Variants in TRABD2B observed in about 807,000 individuals in gnomAD.
The protein encoded by TRABD2B is metalloprotease TIKI2.
In TRABD2B, 14 loss-of-function variants were observed where a neutral mutation model predicts 40.1. That is an observed-to-expected ratio of 0.35 (90% CI 0.23 to 0.55). TRABD2B has a LOEUF of 0.55. Among genes scored for constraint, TRABD2B ranks in the 20% least tolerant of loss-of-function variants. The pLI is 0.90. For missense variants in TRABD2B, 541 were observed against 648.6 expected, an observed-to-expected ratio of 0.83 and a Z score of 1.80; for synonymous variants, 263 against 277.0, an observed-to-expected ratio of 0.95 and a Z score of 0.50.
intron 2 of TRABD2B, among the ~76,000 whole-genome samples, chr1:47,943,044 G>A (rs910533226): frequency 3.3e-5 from 5 of 152,208 alleles, no homozygotes; most frequent in African/African-American, 1.2e-4. Flanking sequence ...TGGGTTCAAA[G>A]TCCAATCATT....
chr1:47,842,452 G>C (rs115160380), intron 2 of TRABD2B, among the ~76,000 whole-genome samples: 23 of 152,238 alleles, frequency 1.5e-4, no homozygotes, highest in East Asian at 1.4e-3. Context: ...ACCCTCCCAG[G>C]GGGGAGGATA....
chr1:47,940,296 T>C (rs1235307154), intron 2 of TRABD2B, among the ~76,000 whole-genome samples: 1 of 152,212 alleles, frequency 6.6e-6, no homozygotes, highest in Non-Finnish European at 1.5e-5. Context: ...ATCACTCTCC[T>C]TGCTTCACAG....
intron 2 of TRABD2B, among the ~76,000 whole-genome samples, chr1:47,863,342 A>C (rs1443875837): frequency 8.1e-6 from 1 of 123,274 alleles, no homozygotes; most frequent in Non-Finnish European, 1.7e-5. Flanking sequence ...ATATAGGATA[A>C]CTGGATAATT....
intron 2 of TRABD2B, among the ~76,000 whole-genome samples, chr1:47,978,903 G>T (rs991357178): frequency 6.6e-6 from 1 of 152,210 alleles, no homozygotes; most frequent in African/African-American, 2.4e-5. Context: ...ACAGAAGCAC[G>T]AAGAAGGAGG....
chr1:47,972,734 C>T (rs1645699313), intron 2 of TRABD2B, among the ~76,000 whole-genome samples: 1 of 152,118 alleles, frequency 6.6e-6, no homozygotes, highest in African/African-American at 2.4e-5. Context: ...CAATTTTTGA[C>T]CCTCATGGTA....
At chr1:47,992,217 G>T (rs1208450954) in intron 2 of TRABD2B, among the ~76,000 whole-genome samples, 1 of 152,130 alleles carries the variant, frequency 6.6e-6, no homozygotes, top group African/African-American at 2.4e-5. Flanking sequence ...ATTGGAGTCT[G>T]TTTGATCTTC....
intron 2 of TRABD2B, among the ~76,000 whole-genome samples, chr1:47,812,528 CTG>C (rs1644979095): frequency 6.8e-6 from 1 of 148,036 alleles, no homozygotes; most frequent in African/African-American, 2.5e-5. Context: ...TGAGACAGGC[CTG>C]GGAAACACAG....
At chr1:47,828,613 T>C (rs10789518) in intron 2 of TRABD2B, among the ~76,000 whole-genome samples, 103,483 of 152,096 alleles carry the variant, frequency 0.68, 35,536 homozygotes, top group South Asian at 0.83. Context: ...TATAAGTCCC[T>C]TTGGTCAGGA....
chr1:47,918,475 G>A (rs942458688), intron 2 of TRABD2B, among the ~76,000 whole-genome samples: 1 of 152,140 alleles, frequency 6.6e-6, no homozygotes, highest in Non-Finnish European at 1.5e-5. Context: ...TAGCTAGTAC[G>A]CAGCACGGCA....
intron 2 of TRABD2B, among the ~76,000 whole-genome samples, chr1:47,851,061 G>T (rs1645543829): frequency 6.6e-6 from 1 of 152,140 alleles, no homozygotes; most frequent in Non-Finnish European, 1.5e-5. Flanking sequence ...GTGTGGCCTG[G>T]TTCCTAACAG....
At chr1:47,806,326 A>G (rs2124315841) in intron 2 of TRABD2B, among the ~76,000 whole-genome samples, 1 of 152,340 alleles carries the variant, frequency 6.6e-6, no homozygotes, top group South Asian at 2.1e-4. Flanking sequence ...GGTGGTAAGT[A>G]CACAGGCTTT....
intron 2 of TRABD2B, among the ~76,000 whole-genome samples, chr1:47,989,957 G>C (rs953650963): frequency 6.6e-6 from 1 of 152,174 alleles, no homozygotes; most frequent in African/African-American, 2.4e-5. Flanking sequence ...TTATGGTCTT[G>C]AAAATAAATA....
rs566125536 is a variant in TRABD2B at position 47,977,911 on chromosome 1, G to A, written c.666+16123C>T. Among the ~76,000 whole-genome samples, 4 of 152,156 alleles carry A rather than the reference G, an allele frequency of 2.6e-5. No individual in the cohort carries two copies. In the South Asian group the frequency reaches 8.3e-4, roughly 32 times the overall value. On this transcript the variant is annotated intron_variant, in intron 2 of 6. Transcript: ENST00000606738. The stretch of plus-strand genomic sequence containing the variant: ...CCTGATTTCATGTGTGATCTTGGGT[G>A]AGTCAATTTACATCTCTGGGTTTCA...
chr1:47,880,315 C>T (rs907883450), intron 2 of TRABD2B, among the ~76,000 whole-genome samples: 1 of 151,514 alleles, frequency 6.6e-6, no homozygotes, highest in Non-Finnish European at 1.5e-5. Flanking sequence ...GACTCGGTCT[C>T]CCCACCAAAA....
intron 2 of TRABD2B, among the ~76,000 whole-genome samples, chr1:47,900,616 G>T (rs528819448): frequency 1.3e-5 from 2 of 152,208 alleles, no homozygotes; most frequent in East Asian, 3.9e-4. Context: ...TAGAGCAAGA[G>T]CACTGTTATC....
At chr1:47,776,359 G>A (rs779082546) in intron 5 of TRABD2B, among the ~76,000 whole-genome samples, 4 of 152,140 alleles carry the variant, frequency 2.6e-5, no homozygotes, top group African/African-American at 9.7e-5. Context: ...AAGCAGCAAT[G>A]AGCTATAGCA....
chr1:47,943,846 T>C (rs1047609983), intron 2 of TRABD2B, among the ~76,000 whole-genome samples: 4 of 151,554 alleles, frequency 2.6e-5, no homozygotes, highest in Admixed American at 1.3e-4. Context: ...GAGATATGCC[T>C]TCAAATAGAA....
chr1:47,976,799 G>A (rs973483749), intron 2 of TRABD2B, among the ~76,000 whole-genome samples: 4 of 152,188 alleles, frequency 2.6e-5, no homozygotes, highest in African/African-American at 9.7e-5. Flanking sequence ...ATGAGTGTAT[G>A]AACTGAGGGT....
intron 2 of TRABD2B, among the ~76,000 whole-genome samples, chr1:47,806,468 C>A (rs1045873957): frequency 1.1e-4 from 16 of 152,178 alleles, no homozygotes; most frequent in Non-Finnish European, 4.4e-5. Context: ...TTGTACATAG[C>A]CTCGGTGGCC....
Sources: allele counts gnomAD v4.1 joint callset (sites outside exome capture counted in the v4.1 genomes callset), GRCh38; gene constraint gnomAD v4.1.1; transcripts MANE v1.5; gene names NCBI Gene and HGNC (gene_info 2026-07-23, HGNC 2026-07-21).